The following EDA variants were observed in gnomAD, a reference collection of about 807,000 sequenced individuals.
The protein encoded by EDA is ectodysplasin A, also known as ectodysplasin-A.
In EDA, 2 loss-of-function variants were observed where a neutral mutation model predicts 23.6. The ratio of observed to expected loss-of-function variants is 0.08; its 90% CI spans 0.03 to 0.27. EDA has a LOEUF of 0.27. EDA is among the 10% of genes least tolerant of loss of function. The pLI is 1.00. For missense variants in EDA, 229 were observed against 324.2 expected (o/e 0.71, Z 2.26); for synonymous variants, 131 against 132.0 (o/e 0.99, Z 0.05).
chrX:69,802,584 G>A (rs1180157389), intron 1 of EDA, among the ~76,000 whole-genome samples: 1 of 110,562 alleles, frequency 9.0e-6, no homozygotes, highest in Non-Finnish European at 1.9e-5. Flanking sequence ...AATGGTTTTT[G>A]AAGGTATTGG....
intron 1 of EDA, among the ~76,000 whole-genome samples, chrX:69,753,058 T>C (rs1315737489): frequency 2.7e-5 from 3 of 112,076 alleles, no homozygotes; most frequent in African/African-American, 9.7e-5. Flanking sequence ...TTGAAGGGTT[T>C]TTTGTGTCTC....
In EDA at chrX:70,038,818, A is replaced by T. The variant is rs1015329512; in HGVS notation, c.*3209A>T. On this transcript the variant is annotated 3_prime_UTR_variant, in exon 8 of 8. Transcript: ENST00000374552. The stretch of plus-strand genomic sequence containing the variant: ...TTAGAGGGAATCTAGCCCAACCTAC[A>T]TTCCACCCTGTTACTTATGTAGAAA... 1 of 112,475 alleles carries T rather than the reference A, an allele frequency of 8.9e-6. No homozygotes were observed. The highest frequency in any genetic ancestry group is 1.9e-5 in the Non-Finnish European group (1 of 53,223). 9.3% of individuals were successfully genotyped at this position (112,475 alleles called of 1,213,427 possible).
In EDA at chrX:70,028,014, C is replaced by T. The variant is rs1255651906; in HGVS notation, c.684C>T (p.Pro228=). The T allele has an allele frequency of 8.4e-7, 1 of 1,188,305 alleles. No individual in the cohort carries two copies. The highest frequency in any genetic ancestry group is 1.1e-6 in the Non-Finnish European group (1 of 886,126). ...GPPGPPGPQG[P]PGLQGPSGAA... ...CAGGTCCTCCTGGTCCTCAAGGACC[C>T]CCTGGCCTCCAGGGACCTTCTGGTG... The change falls in exon 4 of 8, where the codon CCC becomes CCT. Residue 228 remains proline, a synonymous_variant. Coordinates refer to ENST00000374552, the MANE Select transcript of EDA (RefSeq NM_001399.5).
chrX:69,718,912 T>A (rs1024636628), intron 1 of EDA, among the ~76,000 whole-genome samples: 1 of 111,881 alleles, frequency 8.9e-6, no homozygotes, highest in Admixed American at 9.5e-5. Context: ...AATTCACCAG[T>A]GAATTCAGTT....
intron 1 of EDA, among the ~76,000 whole-genome samples, chrX:69,722,351 G>A (rs1221500602): frequency 9.1e-6 from 1 of 109,413 alleles, no homozygotes; most frequent in Non-Finnish European, 1.9e-5. Context: ...GACTACAGGT[G>A]CCCACCACCA....
intron 1 of EDA, among the ~76,000 whole-genome samples, chrX:69,721,404 C>G (rs751372507): frequency 9.0e-6 from 1 of 111,286 alleles, no homozygotes; most frequent in East Asian, 2.8e-4. Flanking sequence ...TATTTTGAAT[C>G]CATAGGGATA....
intron 1 of EDA, among the ~76,000 whole-genome samples, chrX:69,824,243 T>C (rs2016337325): frequency 9.0e-6 from 1 of 110,973 alleles, no homozygotes; most frequent in Admixed American, 9.6e-5. Flanking sequence ...AGAAAGTCAT[T>C]GGTAGCTTGA....
intron 2 of EDA, among the ~76,000 whole-genome samples, chrX:70,011,288 C>T (rs773117424): frequency 1.8e-5 from 2 of 110,421 alleles, no homozygotes; most frequent in East Asian, 5.7e-4. Context: ...ATTTGTTTCA[C>T]ATATCCACAT....
At chrX:69,624,718 G>A (rs1420767989) in intron 1 of EDA, among the ~76,000 whole-genome samples, 3 of 108,810 alleles carry the variant, frequency 2.8e-5, no homozygotes, top group Non-Finnish European at 5.8e-5. Context: ...TTCCCCTTGG[G>A]AGTTCTCCCT....
chrX:69,848,117 G>A (rs1181848301), intron 1 of EDA, among the ~76,000 whole-genome samples: 2 of 111,842 alleles, frequency 1.8e-5, no homozygotes, highest in Non-Finnish European at 3.8e-5. Flanking sequence ...CTTTTCATAT[G>A]TTCAACTGTC....
chrX:69,769,365 C>T (rs1280339313), intron 1 of EDA, among the ~76,000 whole-genome samples: 1 of 111,582 alleles, frequency 9.0e-6, no homozygotes. Flanking sequence ...TGTGGTATAT[C>T]ATTTTTCATT....
At chrX:69,868,105 T>A (rs1181091775) in intron 1 of EDA, among the ~76,000 whole-genome samples, 2 of 111,651 alleles carry the variant, frequency 1.8e-5, no homozygotes, top group Non-Finnish European at 1.9e-5. Context: ...TCCATTGTGA[T>A]TCACCTGTGA....
chrX:69,953,203 A>G (rs1488497976), intron 1 of EDA, among the ~76,000 whole-genome samples: 4 of 112,605 alleles, frequency 3.6e-5, no homozygotes, highest in East Asian at 5.6e-4. Flanking sequence ...TGTCAAGCCT[A>G]TAGCAGATTA....
intron 1 of EDA, among the ~76,000 whole-genome samples, chrX:69,791,079 C>T (rs747339778): frequency 9.0e-6 from 1 of 111,354 alleles, no homozygotes; most frequent in Non-Finnish European, 1.9e-5. Context: ...CAAACATATA[C>T]ACAGGTAGAT....
In EDA at chrX:69,686,504, A is replaced by G. The variant is rs187141478; in HGVS notation, c.396+69800A>G. 4.2e-3 allele frequency among the ~76,000 whole-genome samples: 465 copies of G among 111,898 alleles called. 2 individuals are homozygous for G. The highest frequency in any genetic ancestry group is 0.015 in the African/African-American group (448 of 30,802). ...TAATTCATTGGTTTTTAGTACATTC[A>G]CAGAGTTGTGCAACTATTATCATAA... On this transcript the variant is annotated intron_variant, in intron 1 of 7. Transcript: ENST00000374552.
At position 70,029,663 on chromosome X, in the gene EDA, G is replaced by T. The variant is rs62604271; in HGVS notation, c.741+125G>T. The T allele has an allele frequency of 0.13, 98,388 of 734,665 alleles. 6,283 individuals are homozygous for T. Among genetic ancestry groups the T allele is most frequent in the African/African-American group, 0.41 (19,569 of 47,735 alleles). 60.5% of individuals were successfully genotyped at this position (734,665 alleles called of 1,213,427 possible). A position where few individuals can be genotyped will look rare whatever the true frequency, so the allele number is the denominator to read the frequency against. On this transcript the variant is annotated intron_variant, in intron 5 of 7. Coordinates refer to ENST00000374552, the MANE Select transcript of EDA (RefSeq NM_001399.5). ...ATGAGAACACCCCGGAGATTCTGACGGTTTTCACTCACAGCCCCCTCCCAT... is the reference window on the plus strand; with the variant it reads ...ATGAGAACACCCCGGAGATTCTGACTGTTTTCACTCACAGCCCCCTCCCAT...
intron 1 of EDA, among the ~76,000 whole-genome samples, chrX:69,739,847 A>G (rs1296412221): frequency 1.8e-5 from 2 of 111,418 alleles, no homozygotes; most frequent in Non-Finnish European, 3.8e-5. Context: ...ACACATGCAC[A>G]TATATATTAC....
At chrX:69,921,692 C>G (rs2018437524) in intron 1 of EDA, among the ~76,000 whole-genome samples, 1 of 110,979 alleles carries the variant, frequency 9.0e-6, no homozygotes, top group Non-Finnish European at 1.9e-5. Flanking sequence ...TTAGGTTGGG[C>G]CTTTTTCCCC....
At chrX:69,791,383 C>CA (rs1180452927) in intron 1 of EDA, among the ~76,000 whole-genome samples, 1 of 110,790 alleles carries the variant, frequency 9.0e-6, no homozygotes, top group Non-Finnish European at 1.9e-5. Context: ...TTTTGAAATA[C>CA]AAAAAAATTT....
Sources: gnomAD v4.1 joint callset for allele counts (sites outside exome capture counted in the v4.1 genomes callset) on GRCh38, gnomAD v4.1.1 for gene constraint, MANE v1.5 for transcripts, NCBI Gene and HGNC (gene_info 2026-07-23, HGNC 2026-07-21) for gene names.